The following UBTD2 variants were observed in gnomAD, a reference collection of about 807,000 sequenced individuals.
UBTD2 encodes ubiquitin domain-containing protein 2.
Under a neutral mutation model 19.8 loss-of-function variants are expected in UBTD2, and 9 were observed. The observed-to-expected ratio is 0.46, with a 90% CI of 0.27 to 0.79. The LOEUF (loss-of-function observed/expected upper bound fraction) is 0.79, where lower values mean the gene tolerates loss of function less well. Among genes scored for constraint, UBTD2 ranks in the 30% least tolerant of loss-of-function variants. The pLI, the probability that UBTD2 is intolerant of heterozygous loss-of-function variation, is 0.14. For missense variants in UBTD2, 250 were observed against 300.4 expected (o/e 0.83, Z 1.24); for synonymous variants, 98 against 103.9 (o/e 0.94, Z 0.35).
At chr5:172,265,564 T>C (rs1460834701) in intron 1 of UBTD2, among the ~76,000 whole-genome samples, 1 of 152,082 alleles carries the variant, frequency 6.6e-6, no homozygotes, top group East Asian at 1.9e-4. Flanking sequence ...CTCCTGACCT[T>C]GTGATCCGAC....
At chr5:172,233,670 G>A (rs1371668623) in intron 2 of UBTD2, among the ~76,000 whole-genome samples, 2 of 152,072 alleles carry the variant, frequency 1.3e-5, no homozygotes, top group African/African-American at 4.8e-5. Context: ...TGATGAGAAA[G>A]TATAATGACT....
intron 1 of UBTD2, among the ~76,000 whole-genome samples, chr5:172,265,027 C>G (rs1326877583): frequency 6.6e-6 from 1 of 152,216 alleles, no homozygotes; most frequent in Non-Finnish European, 1.5e-5. Flanking sequence ...CAGATCAGCC[C>G]AAGGGCAACC....
intron 1 of UBTD2, among the ~76,000 whole-genome samples, chr5:172,261,038 G>A (rs1424140103): frequency 2.0e-5 from 3 of 152,234 alleles, no homozygotes; most frequent in Admixed American, 2.0e-4. Flanking sequence ...CCAGGTAACT[G>A]CCCAAGACAG....
intron 2 of UBTD2, among the ~76,000 whole-genome samples, chr5:172,225,853 A>C (rs1270366224): frequency 6.6e-6 from 1 of 151,916 alleles, no homozygotes; most frequent in African/African-American, 2.4e-5. Context: ...TTTTTGTAGC[A>C]CTATGAGCCT....
chr5:172,278,877 C>T (rs1016956831), intron 1 of UBTD2, among the ~76,000 whole-genome samples: 3 of 152,228 alleles, frequency 2.0e-5, no homozygotes, highest in East Asian at 3.9e-4. Flanking sequence ...CATGTTCAAG[C>T]GATTCTCCTG....
chr5:172,241,182 C>T (rs917138049), intron 1 of UBTD2, among the ~76,000 whole-genome samples: 5 of 151,720 alleles, frequency 3.3e-5, no homozygotes, highest in Non-Finnish European at 5.9e-5. Context: ...GGGAGGCCGA[C>T]GTGAGTGGAT....
At chr5:172,270,680 A>G (rs1454723947) in intron 1 of UBTD2, among the ~76,000 whole-genome samples, 1 of 152,036 alleles carries the variant, frequency 6.6e-6, no homozygotes, top group Non-Finnish European at 1.5e-5. Context: ...TTCAGATTTG[A>G]ATACTTGCAG....
At position 172,234,103 on chromosome 5, in the gene UBTD2, T is replaced by C. The variant is rs751507242; in HGVS notation, c.307+19A>G. 1 of 1,611,148 alleles carries C rather than the reference T, an allele frequency of 6.2e-7. No homozygotes were observed. Reference sequence around the variant, plus strand: ...AAGTTGATTATGTTTCCTCTGTCCTTGAGGAACACCAAACCTACCATGTGG... The same window carrying C: ...AAGTTGATTATGTTTCCTCTGTCCTCGAGGAACACCAAACCTACCATGTGG... On this transcript the variant is annotated intron_variant, in intron 2 of 2. Transcript: ENST00000393792.
At chr5:172,266,874 CA>C (rs1427303180) in intron 1 of UBTD2, among the ~76,000 whole-genome samples, 1 of 151,634 alleles carries the variant, frequency 6.6e-6, no homozygotes, top group South Asian at 2.1e-4. Context: ...ACCATCTATA[CA>C]AAAAAAATTT....
At chr5:172,254,012 A>G (rs1410675269) in intron 1 of UBTD2, among the ~76,000 whole-genome samples, 6 of 152,292 alleles carry the variant, frequency 3.9e-5, no homozygotes, top group East Asian at 1.9e-4. Flanking sequence ...TTTGGATAAT[A>G]TAAGTTCAGA....
intron 2 of UBTD2, among the ~76,000 whole-genome samples, chr5:172,229,234 C>A (rs1175561258): frequency 6.6e-6 from 1 of 151,904 alleles, no homozygotes; most frequent in Non-Finnish European, 1.5e-5. Context: ...GGCGCGGTGG[C>A]TCACGCCTGT....
At chr5:172,252,147 G>A (rs1471735371) in intron 1 of UBTD2, among the ~76,000 whole-genome samples, 2 of 152,182 alleles carry the variant, frequency 1.3e-5, no homozygotes, top group African/African-American at 2.4e-5. Context: ...TCTTAACCAG[G>A]ACTATTCTGC....
At chr5:172,220,812 G>C (rs1379973313) in intron 2 of UBTD2, among the ~76,000 whole-genome samples, 10 of 152,126 alleles carry the variant, frequency 6.6e-5, no homozygotes, top group Non-Finnish European at 1.0e-4. Context: ...ATACAGATTG[G>C]AAAGGAGAAA....
At chr5:172,222,566 C>T (rs749369464) in intron 2 of UBTD2, among the ~76,000 whole-genome samples, 3 of 152,126 alleles carry the variant, frequency 2.0e-5, no homozygotes, top group African/African-American at 4.8e-5. Flanking sequence ...GCTGAGACAT[C>T]GCAGAACAGA....
intron 1 of UBTD2, among the ~76,000 whole-genome samples, chr5:172,271,996 G>C (rs1755500571): frequency 1.3e-5 from 2 of 152,118 alleles, no homozygotes; most frequent in African/African-American, 4.8e-5. Context: ...ATATAATTAT[G>C]ACCTCACACT....
At chr5:172,270,501 G>A (rs182174732) in intron 1 of UBTD2, among the ~76,000 whole-genome samples, 11 of 151,542 alleles carry the variant, frequency 7.3e-5, no homozygotes, top group East Asian at 3.9e-4. Context: ...GACTACAGGC[G>A]CCCACCACCA....
intron 1 of UBTD2, among the ~76,000 whole-genome samples, chr5:172,259,625 G>C (rs528000444): frequency 2.9e-4 from 44 of 152,018 alleles, no homozygotes; most frequent in Non-Finnish European, 5.7e-4. Context: ...GAGGCGGTGT[G>C]GGGGTGGGGA....
At chr5:172,251,274 A>G (rs1755007933) in intron 1 of UBTD2, among the ~76,000 whole-genome samples, 1 of 143,594 alleles carries the variant, frequency 7.0e-6, no homozygotes, top group Non-Finnish European at 1.5e-5. Flanking sequence ...AGCCAAGATC[A>G]CACCACTGCA....
intron 1 of UBTD2, among the ~76,000 whole-genome samples, chr5:172,249,762 G>T (rs1754953153): frequency 6.6e-6 from 1 of 152,122 alleles, no homozygotes; most frequent in South Asian, 2.1e-4. Flanking sequence ...TCTCAAAACT[G>T]CAAGGCCATA....
Sources: allele counts gnomAD v4.1 joint callset (sites outside exome capture counted in the v4.1 genomes callset), GRCh38; gene constraint gnomAD v4.1.1; transcripts MANE v1.5; gene names NCBI Gene and HGNC (gene_info 2026-07-23, HGNC 2026-07-21).